Variants in NPC1 observed in about 807,000 individuals in gnomAD.
NPC1 encodes NPC intracellular cholesterol transporter 1, also known as Niemann-Pick C1 protein.
In NPC1, 85 loss-of-function variants were observed where a neutral mutation model predicts 140.4. That is an observed-to-expected ratio of 0.61 (90% CI 0.51 to 0.72). The LOEUF (loss-of-function observed/expected upper bound fraction) is 0.72. NPC1 is among the 30% of genes least tolerant of loss of function. NPC1 has a pLI of 0.00. For missense variants in NPC1, 1,504 were observed against 1,623.8 expected (o/e 0.93, Z 1.27); for synonymous variants, 656 against 624.8 (o/e 1.05, Z -0.74).
chr18:23,531,072 G>A (rs2058487553), downstream of NPC1, among the ~76,000 whole-genome samples: 1 of 151,822 alleles, frequency 6.6e-6, no homozygotes, highest in South Asian at 2.1e-4. Context: ...TCGGTTCACT[G>A]CAACCTCCGC....
At chr18:23,577,625 G>A (rs1040161267) in intron 1 of NPC1, among the ~76,000 whole-genome samples, 2 of 152,254 alleles carry the variant, frequency 1.3e-5, no homozygotes, top group Non-Finnish European at 2.9e-5. Flanking sequence ...TGCGCCGTGC[G>A]CCTGCATTCC....
At chr18:23,585,099 T>C (rs1165753410) in intron 1 of NPC1, among the ~76,000 whole-genome samples, 1 of 152,018 alleles carries the variant, frequency 6.6e-6, no homozygotes, top group African/African-American at 2.4e-5. Flanking sequence ...GGAAACAGAA[T>C]AGCCACATTT....
downstream of NPC1, chr18:23,526,551 G>A (rs199645909): frequency 6.6e-7 from 1 of 1,507,296 alleles, no homozygotes; most frequent in Non-Finnish European, 9.0e-7. Context: ...CCTGCCACCC[G>A]CCCCGCAGAT....
chr18:23,521,168 T>A (rs953684098), downstream of NPC1, among the ~76,000 whole-genome samples: 6 of 152,342 alleles, frequency 3.9e-5, 1 homozygote, highest in African/African-American at 1.4e-4. Context: ...TCTAGTTTTT[T>A]AAAAAATGCA....
chr18:23,518,772 T>A, downstream of NPC1: 2 of 850,592 alleles, frequency 2.4e-6, no homozygotes, highest in South Asian at 1.7e-5. Flanking sequence ...AAACACTTGT[T>A]GGCAGCAAAA....
At chr18:23,544,617 C>T (rs1328832429) in intron 12 of NPC1, 91 bp from the exon 13 acceptor site, 2 of 1,140,204 alleles carry the variant, frequency 1.8e-6, no homozygotes, top group Non-Finnish European at 2.6e-6. Flanking sequence ...CTTTACAGGG[C>T]TGTATTAAAC....
chr18:23,529,779 C>A, downstream of NPC1: 3 of 1,464,334 alleles, frequency 2.0e-6, no homozygotes, highest in African/African-American at 2.8e-5. Context: ...CAGTCACTGT[C>A]TTAGAAGATG....
Position 23,534,134 on chromosome 18 carries a change from C to T in NPC1, c.3591+312G>A, listed in dbSNP as rs544708142. 4.9e-4 allele frequency: 247 copies of T among 502,030 alleles called. 2 individuals carry two copies. The highest frequency in any genetic ancestry group is 4.4e-3 in the African/African-American group (229 of 51,814). The allele number at this position is 502,030 out of a possible 1,614,324, so 31.1% of individuals were successfully genotyped here. On this transcript the variant is annotated intron_variant, in intron 23 of 24. Coordinates refer to ENST00000269228, the MANE Select transcript of NPC1 (RefSeq NM_000271.5). ...AAGACGACTCTCCAGGCACCAACCG[C>T]ACATCACACGCTGGGTTCTGGCCCG...
chr18:23,541,684 A>G (rs1263384275), intron 14 of NPC1, among the ~76,000 whole-genome samples: 1 of 152,220 alleles, frequency 6.6e-6, no homozygotes. Flanking sequence ...CCCCAATTCT[A>G]CTATACTCAG....
Position 23,544,830 on chromosome 18 carries a change from A to G in NPC1, c.1947+130T>C, listed in dbSNP as rs925159183. On this transcript the variant is annotated intron_variant, in intron 12 of 24. Transcript: ENST00000269228. Reference sequence around the variant, plus strand: ...GATGTAGGCAACAGAAACGTTACATACAATTAAAACATGGGGGAATTTATG... The same window carrying G: ...GATGTAGGCAACAGAAACGTTACATGCAATTAAAACATGGGGGAATTTATG... 4.2e-5 allele frequency: 32 copies of G among 763,104 alleles called. No homozygotes were observed. The Middle Eastern group carries it at 1.4e-3, about 32-fold the overall frequency. 47.3% of individuals were successfully genotyped at this position (763,104 alleles called of 1,614,324 possible).
chr18:23,557,302 C>T (rs2058968750), intron 6 of NPC1, 112 bp from the exon 7 acceptor site: 1 of 784,820 alleles, frequency 1.3e-6, no homozygotes, highest in Non-Finnish European at 2.2e-6. Context: ...TGGCCTCCTC[C>T]TCCCTAATTA....
chr18:23,541,971 TTTTTA>T lies in NPC1; in HGVS notation c.2246-543_2246-539del, dbSNP rs145642960. On this transcript the variant is annotated intron_variant, in intron 14 of 24. Transcript: ENST00000269228. The stretch of plus-strand genomic sequence containing the variant: ...ACCCATCTTAAGATTAAAAAACTTT[TTTTTA>T]TAAGTTGCCAATATTTAACAATGGC... Among the ~76,000 whole-genome samples the T allele has an allele frequency of 1.3e-4, 20 of 152,342 alleles. 1 individual carries two copies. The East Asian group carries it at 3.9e-3, about 29-fold the overall frequency.
intron 10 of NPC1, among the ~76,000 whole-genome samples, chr18:23,550,479 C>CTTCTTTTTTTTTTTTTTTTTTTTTTTTTT (rs746388624): frequency 5.3e-5 from 4 of 74,948 alleles, no homozygotes; most frequent in African/African-American, 2.6e-4. Context: ...TCTTACATTT[C>CTTCTTTTTTTTTTTTTTTTTTTTTTTTTT]TTTTTTTTTT....
chr18:23,573,447 C>T lies in NPC1; in HGVS notation c.180+5G>A. 1 of 1,614,132 alleles carries T rather than the reference C, an allele frequency of 6.2e-7. No individual in the cohort carries two copies. Among genetic ancestry groups the T allele is most frequent in the Non-Finnish European group, 8.5e-7 (1 of 1,180,004 alleles). ...TGTTCCCAGTGCCTAAGATAATGAACTTACCTGCACTAAGTCATATCCATC... is the reference window on the plus strand; with the variant it reads ...TGTTCCCAGTGCCTAAGATAATGAATTTACCTGCACTAAGTCATATCCATC... On this transcript the variant is annotated splice_donor_5th_base_variant and intron_variant, in intron 2 of 24. Coordinates refer to ENST00000269228, the MANE Select transcript of NPC1 (RefSeq NM_000271.5).
At chr18:23,579,290 C>G (rs2059329299) in intron 1 of NPC1, among the ~76,000 whole-genome samples, 1 of 152,172 alleles carries the variant, frequency 6.6e-6, no homozygotes, top group Non-Finnish European at 1.5e-5. Flanking sequence ...AGGGCAGAGC[C>G]TAGGTGTGTA....
Position 23,586,453 on chromosome 18 carries a change from G to C in NPC1, c.-110C>G, listed in dbSNP as rs373558305. ...CAGCACCCCGCGCAGGAGGAGCGGAGGAGCAGGAGCAGGCGCTGACCGCGG... is the reference window on the plus strand; with the variant it reads ...CAGCACCCCGCGCAGGAGGAGCGGACGAGCAGGAGCAGGCGCTGACCGCGG... On this transcript the variant is annotated 5_prime_UTR_variant, in exon 1 of 25. Transcript: ENST00000269228. The C allele has an allele frequency of 6.7e-7, 1 of 1,488,538 alleles. No homozygotes were observed. The highest frequency in any genetic ancestry group is 8.9e-7 in the Non-Finnish European group (1 of 1,126,184). 92.2% of individuals were successfully genotyped at this position (1,488,538 alleles called of 1,614,324 possible). A position where few individuals can be genotyped will look rare whatever the true frequency, so the allele number is the denominator to read the frequency against.
At chr18:23,586,155 C>T (rs946737232) in intron 1 of NPC1, 132 bp downstream of exon 1, 6 of 939,146 alleles carry the variant, frequency 6.4e-6, no homozygotes, top group Admixed American at 5.3e-5. Context: ...AAGTGAGGAA[C>T]CTCCGAGCTC....
intron 3 of NPC1, among the ~76,000 whole-genome samples, chr18:23,512,597 T>TC (rs1420030807): frequency 6.7e-6 from 1 of 149,872 alleles, no homozygotes; most frequent in Non-Finnish European, 1.5e-5. Context: ...AATTTTTTTT[T>TC]CCTTTTTTTT....
downstream of NPC1, chr18:23,529,287 G>A (rs144103523): frequency 3.1e-6 from 5 of 1,610,460 alleles, no homozygotes; most frequent in African/African-American, 1.3e-5. Flanking sequence ...GTCAGCCTTT[G>A]TGGAAAAGAA....
Sources: allele counts gnomAD v4.1 joint callset (sites outside exome capture counted in the v4.1 genomes callset), GRCh38; gene constraint gnomAD v4.1.1; transcripts MANE v1.5; gene names NCBI Gene and HGNC (gene_info 2026-07-23, HGNC 2026-07-21).